Variants in H1-2 observed in about 807,000 individuals in gnomAD.
H1-2 encodes histone H1.2.
A neutral mutation model predicts 7.2 loss-of-function variants in H1-2; 7 were observed. The ratio of observed to expected loss-of-function variants is 0.97; its 90% CI spans 0.55 to 1.82. The LOEUF is 1.82. H1-2 is among the 40% of genes most tolerant of loss of function. The probability of loss-of-function intolerance (pLI) is 0.00; values close to 1 mark genes in which losing one functional copy is unlikely to be tolerated. For synonymous variants in H1-2, 300 were observed against 118.2 expected (o/e 2.54, Z -9.98); for missense variants, 703 against 276.6 (o/e 2.54, Z -10.94).
chr6:26,056,199 T>A lies in H1-2; in HGVS notation c.230A>T (p.Asn77Ile). 6.2e-7 allele frequency: 1 copy of A among 1,613,586 alleles called. No homozygotes were observed. Among genetic ancestry groups the A allele is most frequent in the Non-Finnish European group, 8.5e-7 (1 of 1,179,912 alleles). ...AAAGYDVEKNNSRIKLGLKSL... is the reference protein window; with the variant it reads ...AAAGYDVEKNISRIKLGLKSL... Reference sequence around the variant, plus strand: ...CTTGAGACCAAGTTTGATACGGCTGTTGTTTTTCTCCACATCATAGCCGGC... The same window carrying A: ...CTTGAGACCAAGTTTGATACGGCTGATGTTTTTCTCCACATCATAGCCGGC... Residue 77 changes from asparagine (N) to isoleucine (I), a missense_variant, in exon 1 of 1, where the codon AAC becomes ATC. Physicochemically the swap from Asn to Ile is moderately radical, Grantham distance 149 (BLOSUM62 -3). Transcript: ENST00000343677.
In H1-2 at chr6:26,056,342, C is replaced by G. The variant is rs761510895; in HGVS notation, c.87G>C (p.Gly29=). The G allele has an allele frequency of 3.7e-6, 6 of 1,613,706 alleles. No homozygotes were observed. The highest frequency in any genetic ancestry group is 1.3e-5 in the African/African-American group (1 of 74,872). The change falls in exon 1 of 1, where the codon GGG becomes GGC. Residue 29 remains glycine, a synonymous_variant. Coordinates refer to ENST00000343677, the MANE Select transcript of H1-2 (RefSeq NM_005319.4). ...GACCAGACGCCTTACGAGGCGTACCCCCAGCCTTTTTGGCCGCCTTCTTCT... is the reference window on the plus strand; with the variant it reads ...GACCAGACGCCTTACGAGGCGTACCGCCAGCCTTTTTGGCCGCCTTCTTCT... ...PVKKKAAKKA[G]GTPRKASGPP... is the part of the protein sequence containing the mutation.
Position 26,056,435 on chromosome 6 carries a change from A to G in H1-2, c.-7T>C. 3 of 1,562,012 alleles carry G rather than the reference A, an allele frequency of 1.9e-6. No homozygotes were observed. The highest frequency in any genetic ancestry group is 2.6e-6 in the Non-Finnish European group (3 of 1,158,686). ...CAGGAGCAGTCTCGGACATGTTGAG[A>G]ATCAAAAACTCGGGTACAAGTGGCA... On this transcript the variant is annotated 5_prime_UTR_variant, in exon 1 of 1. Coordinates refer to ENST00000343677, the MANE Select transcript of H1-2 (RefSeq NM_005319.4).
rs772260516 is a variant in H1-2, at chr6:26,056,134, T to TG, written c.294dup (p.Thr99HisfsTer8). ...AGTTTAAAGGAGCCAGAAGCACCGG[T>TG]GCCTTTCGTTTGCACCAGAGTGCCC... On this transcript the variant is annotated frameshift_variant, in exon 1 of 1. Transcript: ENST00000343677. LOFTEE classifies it high-confidence loss of function. The TG allele has an allele frequency of 1.2e-6, 2 of 1,614,264 alleles. No homozygotes were observed. The highest frequency in any genetic ancestry group is 1.7e-6 in the Non-Finnish European group (2 of 1,180,046).
rs755518803 is a variant in H1-2, at chr6:26,056,402, G to T, written c.27C>A (p.Pro9=). Reference sequence around the variant, plus strand: ...CCTTCTCCGCAGGAGGCGCGGCAGCGGGAGCGGCAGGAGCAGTCTCGGACA... The same window carrying T: ...CCTTCTCCGCAGGAGGCGCGGCAGCTGGAGCGGCAGGAGCAGTCTCGGACA... MSETAPAA[P]AAAPPAEKAP... Residue 9 remains proline, a synonymous_variant, in exon 1 of 1, where the codon CCC becomes CCA. Coordinates refer to ENST00000343677, the MANE Select transcript of H1-2 (RefSeq NM_005319.4). 6.3e-7 allele frequency: 1 copy of T among 1,599,952 alleles called. No homozygotes were observed. The highest frequency in any genetic ancestry group is 1.1e-5 in the South Asian group (1 of 89,770).
At position 26,056,372 on chromosome 6, in the gene H1-2, A is replaced by G. The variant is rs763971715; in HGVS notation, c.57T>C (p.Pro19=). Reference sequence around the variant, plus strand: ...CCTTTTTGGCCGCCTTCTTCTTTACAGGGGCCTTCTCCGCAGGAGGCGCGG... The same window carrying G: ...CCTTTTTGGCCGCCTTCTTCTTTACGGGGGCCTTCTCCGCAGGAGGCGCGG... The part of the protein sequence containing the change: ...PAAAPPAEKA[P]VKKKAAKKAG... The change falls in exon 1 of 1, where the codon CCT becomes CCC. Residue 19 remains proline, a synonymous_variant. Coordinates refer to ENST00000343677, the MANE Select transcript of H1-2 (RefSeq NM_005319.4). 5.0e-6 allele frequency: 8 copies of G among 1,611,410 alleles called. No homozygotes were observed. The highest frequency in any genetic ancestry group is 6.8e-6 in the Non-Finnish European group (8 of 1,178,832).
chr6:26,056,176 T>G lies in H1-2; in HGVS notation c.253A>C (p.Lys85Gln). Residue 85 changes from lysine to glutamine, a missense_variant, in exon 1 of 1, where the codon AAG becomes CAG. Coordinates refer to ENST00000343677, the MANE Select transcript of H1-2 (RefSeq NM_005319.4). ...KNNSRIKLGLKSLVSKGTLVQ... is the reference protein window; with the variant it reads ...KNNSRIKLGLQSLVSKGTLVQ... ...AGAGTGCCCTTGCTCACCAGGCTCT[T>G]GAGACCAAGTTTGATACGGCTGTTG... 1 of 1,614,224 alleles carries G rather than the reference T, an allele frequency of 6.2e-7. No individual in the cohort carries two copies. Among genetic ancestry groups the G allele is most frequent in the Non-Finnish European group, 8.5e-7 (1 of 1,180,040 alleles).
chr6:26,056,446 C>A lies in H1-2; in HGVS notation c.-18G>T. 3 of 1,551,854 alleles carry A rather than the reference C, an allele frequency of 1.9e-6. No individual in the cohort carries two copies. The highest frequency in any genetic ancestry group is 1.2e-5 in the South Asian group (1 of 81,240). ...TCGGACATGTTGAGAATCAAAAACT[C>A]GGGTACAAGTGGCAAAGCGCCGATG... On this transcript the variant is annotated 5_prime_UTR_variant, in exon 1 of 1. Transcript: ENST00000343677.
chr6:26,056,439 A>G lies in H1-2; in HGVS notation c.-11T>C, dbSNP rs754263001. The G allele has an allele frequency of 9.9e-5, 155 of 1,558,726 alleles. No individual in the cohort carries two copies. Among genetic ancestry groups the G allele is most frequent in the Non-Finnish European group, 1.3e-4 (148 of 1,157,114 alleles). On this transcript the variant is annotated 5_prime_UTR_variant, in exon 1 of 1. Coordinates refer to ENST00000343677, the MANE Select transcript of H1-2 (RefSeq NM_005319.4). ...AGCAGTCTCGGACATGTTGAGAATC[A>G]AAAACTCGGGTACAAGTGGCAAAGC...
In H1-2 at chr6:26,056,133, G is replaced by C. The variant is rs147569209; in HGVS notation, c.296C>G (p.Thr99Ser). ...SKGTLVQTKG[T>S]GASGSFKLNK... ...GAGTTTAAAGGAGCCAGAAGCACCG[G>C]TGCCTTTCGTTTGCACCAGAGTGCC... is the stretch of plus-strand genomic sequence containing the variant. Residue 99 changes from threonine (T) to serine (S), a missense_variant, in exon 1 of 1, where the codon ACC becomes AGC. Transcript: ENST00000343677. 99 of 1,614,126 alleles carry C rather than the reference G, an allele frequency of 6.1e-5. No homozygotes were observed. The highest frequency in any genetic ancestry group is 7.0e-5 in the Non-Finnish European group (83 of 1,180,048).
In H1-2 at chr6:26,056,385, G is replaced by C. The variant is rs759161097; in HGVS notation, c.44C>G (p.Ala15Gly). ...APAAPAAAPP[A>G]EKAPVKKKAA... ...CTTCTTCTTTACAGGGGCCTTCTCC[G>C]CAGGAGGCGCGGCAGCGGGAGCGGC... Residue 15 changes from alanine (A) to glycine (G), a missense_variant, in exon 1 of 1, where the codon GCG (alanine) becomes GGG (glycine). Coordinates refer to ENST00000343677, the MANE Select transcript of H1-2 (RefSeq NM_005319.4). The C allele has an allele frequency of 2.5e-6, 4 of 1,602,936 alleles. No homozygotes were observed. Among genetic ancestry groups the C allele is most frequent in the East Asian group, 2.2e-5 (1 of 44,700 alleles).
In H1-2 at chr6:26,056,354, G is replaced by A. The variant is rs770950217; in HGVS notation, c.75C>T (p.Ala25=). ...TACGAGGCGTACCCCCAGCCTTTTT[G>A]GCCGCCTTCTTCTTTACAGGGGCCT... ...AEKAPVKKKA[A]KKAGGTPRKA... Residue 25 remains alanine, a synonymous_variant, in exon 1 of 1, where the codon GCC becomes GCT. Coordinates refer to ENST00000343677, the MANE Select transcript of H1-2 (RefSeq NM_005319.4). The A allele has an allele frequency of 1.5e-5, 24 of 1,613,488 alleles. No homozygotes were observed. Among genetic ancestry groups the A allele is most frequent in the East Asian group, 2.2e-5 (1 of 44,874 alleles).
Position 26,055,925 on chromosome 6 carries a change from C to G in H1-2, c.504G>C (p.Lys168Asn), listed in dbSNP as rs534420299. 1.5e-5 allele frequency: 25 copies of G among 1,614,034 alleles called. No individual in the cohort carries two copies. Among genetic ancestry groups the G allele is most frequent in the East Asian group, 2.2e-5 (1 of 44,888 alleles). ...AKKPAAATVT[K>N]KVAKSPKKAK... Reference sequence around the variant, plus strand: ...CCTTCTTTGGGCTCTTAGCCACTTTCTTGGTTACAGTGGCCGCGGCCGGCT... The same window carrying G: ...CCTTCTTTGGGCTCTTAGCCACTTTGTTGGTTACAGTGGCCGCGGCCGGCT... Residue 168 changes from lysine to asparagine, a missense_variant, in exon 1 of 1, where the codon AAG (lysine) becomes AAC (asparagine). Physicochemically the swap from Lys to Asn is moderately conservative, Grantham distance 94. Transcript: ENST00000343677.
chr6:26,055,915 T>G lies in H1-2; in HGVS notation c.514A>C (p.Lys172Gln), dbSNP rs1213947732. ...GCAACCTTGGCCTTCTTTGGGCTCTTAGCCACTTTCTTGGTTACAGTGGCC... is the reference window on the plus strand; with the variant it reads ...GCAACCTTGGCCTTCTTTGGGCTCTGAGCCACTTTCTTGGTTACAGTGGCC... ...AAATVTKKVA[K>Q]SPKKAKVAKP... is the part of the protein sequence containing the mutation. The change falls in exon 1 of 1, where the codon AAG (lysine) becomes CAG (glutamine). Residue 172 changes from lysine to glutamine, a missense_variant. Physicochemically the swap from Lys to Gln is moderately conservative, Grantham distance 53 (BLOSUM62 1). Coordinates refer to ENST00000343677, the MANE Select transcript of H1-2 (RefSeq NM_005319.4). 1 of 1,614,216 alleles carries G rather than the reference T, an allele frequency of 6.2e-7. No individual in the cohort carries two copies. The highest frequency in any genetic ancestry group is 8.5e-7 in the Non-Finnish European group (1 of 1,180,036).
Position 26,055,761 on chromosome 6 carries a change from T to C in H1-2, c.*26A>G. The stretch of plus-strand genomic sequence containing the variant: ...TCAGTGGTGGCTCTGAAAAGAGCCT[T>C]TTGGGTTTTAGAAGTAGGCGTTCGC... On this transcript the variant is annotated 3_prime_UTR_variant, in exon 1 of 1. Coordinates refer to ENST00000343677, the MANE Select transcript of H1-2 (RefSeq NM_005319.4). 6.4e-7 allele frequency: 1 copy of C among 1,567,114 alleles called. No homozygotes were observed. Among genetic ancestry groups the C allele is most frequent in the South Asian group, 1.2e-5 (1 of 84,740 alleles).
Position 26,056,455 on chromosome 6 carries a change from G to T in H1-2, c.-27C>A, listed in dbSNP as rs13194780. 2 of 1,544,022 alleles carry T rather than the reference G, an allele frequency of 1.3e-6. No individual in the cohort carries two copies. The highest frequency in any genetic ancestry group is 1.7e-6 in the Non-Finnish European group (2 of 1,150,512). On this transcript the variant is annotated 5_prime_UTR_variant, in exon 1 of 1. Transcript: ENST00000343677. ...TTGAGAATCAAAAACTCGGGTACAA[G>T]TGGCAAAGCGCCGATGAAGCAGCGC... is the stretch of plus-strand genomic sequence containing the variant.
Position 26,056,350 on chromosome 6 carries a change from T to C in H1-2, c.79A>G (p.Lys27Glu). 5.0e-6 allele frequency: 8 copies of C among 1,613,550 alleles called. No homozygotes were observed. The highest frequency in any genetic ancestry group is 1.1e-5 in the South Asian group (1 of 91,040). The change falls in exon 1 of 1, where the codon AAG becomes GAG. Residue 27 changes from lysine to glutamate, a missense_variant. By Grantham distance (56) the Lys-to-Glu change is moderately conservative (BLOSUM62 1). Coordinates refer to ENST00000343677, the MANE Select transcript of H1-2 (RefSeq NM_005319.4). ...GCCTTACGAGGCGTACCCCCAGCCT[T>C]TTTGGCCGCCTTCTTCTTTACAGGG... ...KAPVKKKAAK[K>E]AGGTPRKASG...
At position 26,056,465 on chromosome 6, in the gene H1-2, G is replaced by A. The variant is rs767802684; in HGVS notation, c.-37C>T. 31 of 1,537,250 alleles carry A rather than the reference G, an allele frequency of 2.0e-5. No homozygotes were observed. The highest frequency in any genetic ancestry group is 1.2e-4 in the South Asian group (9 of 77,562). On this transcript the variant is annotated 5_prime_UTR_variant, in exon 1 of 1. Coordinates refer to ENST00000343677, the MANE Select transcript of H1-2 (RefSeq NM_005319.4). Reference sequence around the variant, plus strand: ...AAAACTCGGGTACAAGTGGCAAAGCGCCGATGAAGCAGCGCCTGGGCAGGG... The same window carrying A: ...AAAACTCGGGTACAAGTGGCAAAGCACCGATGAAGCAGCGCCTGGGCAGGG...
In H1-2 at chr6:26,055,991, A is replaced by C. The variant is rs143119106; in HGVS notation, c.438T>G (p.Thr146=). Residue 146 remains threonine, a synonymous_variant, in exon 1 of 1, where the codon ACT becomes ACG. Coordinates refer to ENST00000343677, the MANE Select transcript of H1-2 (RefSeq NM_005319.4). ...GTGTTTTCTTAGCGCTCTTCTTCGGAGTTGCGCCGCCAGCCGCCTTCTTGG... is the reference window on the plus strand; with the variant it reads ...GTGTTTTCTTAGCGCTCTTCTTCGGCGTTGCGCCGCCAGCCGCCTTCTTGG... ...KKPKKAAGGA[T]PKKSAKKTPK... 1.5e-5 allele frequency: 24 copies of C among 1,613,606 alleles called. No homozygotes were observed. Among genetic ancestry groups the C allele is most frequent in the African/African-American group, 8.0e-5 (6 of 74,758 alleles).
chr6:26,055,831 G>C lies in H1-2; in HGVS notation c.598C>G (p.Pro200Ala), dbSNP rs1356957360. 1 of 1,612,386 alleles carries C rather than the reference G, an allele frequency of 6.2e-7. No individual in the cohort carries two copies. Among genetic ancestry groups the C allele is most frequent in the Non-Finnish European group, 8.5e-7 (1 of 1,179,422 alleles). ...AKAVKPKAAK[P>A]KVVKPKKAAP... ...GCCTTCTTAGGCTTGACAACCTTGGGCTTAGCGGCCTTGGGCTTCACAGCC... is the reference window on the plus strand; with the variant it reads ...GCCTTCTTAGGCTTGACAACCTTGGCCTTAGCGGCCTTGGGCTTCACAGCC... Residue 200 changes from proline (P) to alanine (A), a missense_variant, in exon 1 of 1, where the codon CCC becomes GCC. Pro to Ala is a conservative substitution (Grantham distance 27). Transcript: ENST00000343677.
Sources: allele counts gnomAD v4.1 joint callset, GRCh38; gene constraint gnomAD v4.1.1; transcripts MANE v1.5; gene names NCBI Gene and HGNC (gene_info 2026-07-23, HGNC 2026-07-21).